LACTBL1: variants seen among roughly 807,000 people sequenced by gnomAD.
LACTBL1 encodes the protein lactamase beta like 1, also known as beta-lactamase-like protein 1.
Under a neutral mutation model 39.6 loss-of-function variants are expected in LACTBL1, and 29 were observed. The ratio of observed to expected loss-of-function variants is 0.73; its 90% confidence interval spans 0.55 to 1.00. The LOEUF (loss-of-function observed/expected upper bound fraction) is 1.00, where lower values mean the gene tolerates loss of function less well. Ranked by LOEUF, LACTBL1 falls within the 50% of genes least tolerant of loss-of-function variation. The pLI is 0.00. For missense variants in LACTBL1, 711 were observed against 748.5 expected (o/e 0.95, Z 0.59); for synonymous variants, 361 against 360.7 (o/e 1.00, Z -0.01).
chr1:22,955,912 A>C (rs1358689591), intron 4 of LACTBL1, among the ~76,000 whole-genome samples: 1 of 151,984 alleles, frequency 6.6e-6, no homozygotes, highest in African/African-American at 2.4e-5. Flanking sequence ...AAATACAAAA[A>C]AATTAGCTGG....
chr1:22,963,624 G>A (rs1248846982), intron 1 of LACTBL1, among the ~76,000 whole-genome samples: 2 of 152,228 alleles, frequency 1.3e-5, no homozygotes, highest in African/African-American at 4.8e-5. Context: ...CTAAACCACA[G>A]CGACAACTCA....
chr1:22,971,467 C>T, the LACTBL1 span, among the ~76,000 whole-genome samples: 2 of 151,714 alleles, frequency 1.3e-5, no homozygotes, highest in African/African-American at 4.9e-5. Context: ...CCAGGAAGAA[C>T]CAGGCTCTCC....
chr1:22,966,016 A>G (rs548301032), upstream of LACTBL1, among the ~76,000 whole-genome samples: 81 of 152,340 alleles, frequency 5.3e-4, no homozygotes, highest in African/African-American at 1.8e-3. Flanking sequence ...AAAATTGATT[A>G]TGGTGCTAAT....
rs1640730302 is a variant in LACTBL1, at chr1:22,953,550, CG to C, written c.1133del (p.Pro378ArgfsTer61). 4.0e-6 allele frequency: 5 copies of C among 1,248,740 alleles called. No homozygotes were observed. Among genetic ancestry groups the C allele is most frequent in the Non-Finnish European group, 5.0e-6 (5 of 1,000,484 alleles). 77.4% of individuals were successfully genotyped at this position (1,248,740 alleles called of 1,614,324 possible). A position where few individuals can be genotyped will look rare whatever the true frequency, so the allele number is the denominator to read the frequency against. ...GCAGCAGCACCAGGCCCAGACGCAGCGGGGGCACCAGCGAGAAGGTGGCGGC... is the reference window on the plus strand; with the variant it reads ...GCAGCAGCACCAGGCCCAGACGCAGCGGGGCACCAGCGAGAAGGTGGCGGC... On this transcript the variant is annotated frameshift_variant, in exon 6 of 6. Coordinates refer to ENST00000426928, the Ensembl canonical transcript of LACTBL1. LOFTEE classifies it high-confidence loss of function.
At chr1:22,969,834 AC>A (rs1440298964), upstream of LACTBL1, among the ~76,000 whole-genome samples, 1 of 152,090 alleles carries the variant, frequency 6.6e-6, no homozygotes, top group Non-Finnish European at 1.5e-5. Context: ...CTGGGTCCCT[AC>A]AAGGTAAGGA....
At chr1:22,958,880 A>T in exon 4 of LACTBL1, 1 of 1,550,494 alleles carries the variant, frequency 6.4e-7, no homozygotes, top group African/African-American at 1.4e-5. Context: ...CACAGACGGT[A>T]CAGCATGAGG....
At chr1:22,960,171 C>T in intron 2 of LACTBL1, 72 bp from the exon 5 acceptor site, 1 of 1,519,150 alleles carries the variant, frequency 6.6e-7, no homozygotes, top group Non-Finnish European at 8.9e-7. Flanking sequence ...GCAAAGCCAC[C>T]CTCGTCCATA....
At chr1:22,969,945 C>T (rs546182796), upstream of LACTBL1, among the ~76,000 whole-genome samples, 1 of 152,296 alleles carries the variant, frequency 6.6e-6, no homozygotes, top group African/African-American at 2.4e-5. Flanking sequence ...TTCTTTTGAA[C>T]TTTACATGGT....
chr1:22,965,780 A>G (rs779089989), upstream of LACTBL1, among the ~76,000 whole-genome samples: 1 of 152,234 alleles, frequency 6.6e-6, no homozygotes, highest in African/African-American at 2.4e-5. Flanking sequence ...TGAGTAATTT[A>G]TAAAGGAAAG....
chr1:22,958,223 C>T (rs912979043), intron 4 of LACTBL1, among the ~76,000 whole-genome samples: 1 of 151,990 alleles, frequency 6.6e-6, no homozygotes, highest in Non-Finnish European at 1.5e-5. Flanking sequence ...GTAGCTAAGA[C>T]TACAAGTGTG....
Position 22,961,218 on chromosome 1 carries a change from G to A in LACTBL1, c.160-1119C>T, listed in dbSNP as rs367954860. Among the ~76,000 whole-genome samples, 76 of 152,274 alleles carry A rather than the reference G, an allele frequency of 5.0e-4. 1 individual carries two copies. In the South Asian group the frequency reaches 9.7e-3, roughly 20 times the overall value. On this transcript the variant is annotated intron_variant, in intron 2 of 5. Coordinates refer to ENST00000426928, the Ensembl canonical transcript of LACTBL1. The stretch of plus-strand genomic sequence containing the variant: ...TCATACATTGTCTCCTTTCATCCTC[G>A]TGAGTCAGTGCTAATTTCTGCCCAT...
chr1:22,955,443 G>A lies in LACTBL1; in HGVS notation c.554-17C>T. On this transcript the variant is annotated splice_polypyrimidine_tract_variant and intron_variant, in intron 4 of 5. Coordinates refer to ENST00000426928, the Ensembl canonical transcript of LACTBL1. ...TGGGCAGCCCTAGGGAGGAGCAGTG[G>A]TCAGACTTACCGGGCCCGGCTGAGG... 6.5e-7 allele frequency: 1 copy of A among 1,533,158 alleles called. No individual in the cohort carries two copies. Among genetic ancestry groups the A allele is most frequent in the Middle Eastern group, 1.8e-4 (1 of 5,478 alleles). 95.0% of individuals were successfully genotyped at this position (1,533,158 alleles called of 1,614,324 possible). A position where few individuals can be genotyped will look rare whatever the true frequency, so the allele number is the denominator to read the frequency against.
intron 3 of LACTBL1, among the ~76,000 whole-genome samples, chr1:22,959,363 T>C (rs10737469): frequency 0.68 from 103,068 of 152,218 alleles, 38,103 homozygotes; most frequent in Non-Finnish European, 0.84. Flanking sequence ...TCAGTACATG[T>C]TAGCACATAT....
chr1:22,972,139 A>AGAT, the LACTBL1 span, among the ~76,000 whole-genome samples: 1,178 of 148,362 alleles, frequency 7.9e-3, 11 homozygotes, highest in South Asian at 0.012. Flanking sequence ...CAAGCTCTAG[A>AGAT]GATGATGATG....
rs144919707 is a variant in LACTBL1, at chr1:22,962,898, C to T, written c.159+209G>A. ...ATAAATGTTTGGTATCTTCACCGTT[C>T]CTCTCGCTTCCAGATTAGTAATTTC... On this transcript the variant is annotated intron_variant, in intron 2 of 5. Coordinates refer to ENST00000426928, the Ensembl canonical transcript of LACTBL1. 3.4e-3 allele frequency among the ~76,000 whole-genome samples: 524 copies of T among 152,368 alleles called. 6 individuals carry two copies. The highest frequency in any genetic ancestry group is 5.4e-3 in the Non-Finnish European group (364 of 68,034).
chr1:22,959,158 G>A (rs1405157382), intron 3 of LACTBL1, among the ~76,000 whole-genome samples: 1 of 152,216 alleles, frequency 6.6e-6, no homozygotes, highest in Non-Finnish European at 1.5e-5. Context: ...CTCTTTTCCA[G>A]CCATTTCCCA....
the LACTBL1 span, chr1:22,972,444 G>A: frequency 1.6e-4 from 158 of 985,244 alleles, no homozygotes; most frequent in Non-Finnish European, 1.8e-4. Flanking sequence ...GGAAAAAGAG[G>A]AGGGGGACAG....
intron 4 of LACTBL1, among the ~76,000 whole-genome samples, chr1:22,956,582 A>G (rs925461468): frequency 1.3e-5 from 2 of 152,108 alleles, no homozygotes; most frequent in Admixed American, 6.6e-5. Flanking sequence ...GGCAGGGCAG[A>G]TAGTACCTGT....
chr1:22,967,644 TAG>T (rs1274043104), upstream of LACTBL1, among the ~76,000 whole-genome samples: 61 of 151,352 alleles, frequency 4.0e-4, 1 homozygote, highest in South Asian at 0.011. Context: ...CATATATATA[TAG>T]AGAGAGAGAG....
Sources: allele counts gnomAD v4.1 joint callset (sites outside exome capture counted in the v4.1 genomes callset), GRCh38; gene constraint gnomAD v4.1.1; transcripts MANE v1.5; gene names NCBI Gene and HGNC (gene_info 2026-07-23, HGNC 2026-07-21).